Variants in RBMS3 observed in about 807,000 individuals in gnomAD.
RBMS3 encodes the protein RNA binding motif single stranded interacting protein 3.
Under a neutral mutation model 66.8 loss-of-function variants are expected in RBMS3, and 27 were observed. The ratio of observed to expected loss-of-function variants is 0.40; its 90% CI spans 0.30 to 0.56. The LOEUF is 0.56. Among genes scored for constraint, RBMS3 ranks in the 20% least tolerant of loss-of-function variants. RBMS3 has a pLI of 0.40. For missense variants in RBMS3, 513 were observed against 549.5 expected (o/e 0.93, Z 0.66); for synonymous variants, 188 against 183.0 (o/e 1.03, Z -0.22).
At chr3:29,396,566 C>T (rs1328709300) in intron 1 of RBMS3, among the ~76,000 whole-genome samples, 1 of 152,050 alleles carries the variant, frequency 6.6e-6, no homozygotes, top group African/African-American at 2.4e-5. Context: ...GGATAAAGAA[C>T]CATGATTTAC....
intron 4 of RBMS3, among the ~76,000 whole-genome samples, chr3:29,675,872 C>T (rs6782138): frequency 0.026 from 3,983 of 152,220 alleles, 169 homozygotes; most frequent in African/African-American, 0.089. Flanking sequence ...TGTGGTGATT[C>T]CTCAAGGATC....
intron 4 of RBMS3, among the ~76,000 whole-genome samples, chr3:29,685,183 C>G (rs59797771): frequency 0.081 from 12,264 of 151,972 alleles, 908 homozygotes; most frequent in African/African-American, 0.19. Flanking sequence ...CTCAGCCTCC[C>G]GAGTAGCTGG....
At chr3:29,780,984 C>T (rs767615110) in intron 6 of RBMS3, among the ~76,000 whole-genome samples, 1 of 151,548 alleles carries the variant, frequency 6.6e-6, no homozygotes, top group African/African-American at 2.4e-5. Flanking sequence ...TTTTATTATA[C>T]TTTAAGTTTT....
chr3:29,374,249 A>G (rs1366636259), intron 1 of RBMS3, among the ~76,000 whole-genome samples: 1 of 152,184 alleles, frequency 6.6e-6, no homozygotes, highest in Non-Finnish European at 1.5e-5. Flanking sequence ...TGTTGAGTTG[A>G]TTTTATAAGG....
At chr3:29,682,151 T>G (rs990526232) in intron 4 of RBMS3, among the ~76,000 whole-genome samples, 4 of 152,094 alleles carry the variant, frequency 2.6e-5, no homozygotes, top group African/African-American at 9.7e-5. Context: ...GATGTTTGTT[T>G]GTTTGTTTGT....
chr3:29,434,046 T>A (rs921528824), intron 1 of RBMS3, among the ~76,000 whole-genome samples: 9 of 152,164 alleles, frequency 5.9e-5, no homozygotes, highest in Non-Finnish European at 8.8e-5. Flanking sequence ...CAAATAATTA[T>A]CCTGTCCAGA....
intron 4 of RBMS3, among the ~76,000 whole-genome samples, chr3:29,625,667 C>T (rs923520683): frequency 1.3e-5 from 2 of 150,902 alleles, no homozygotes; most frequent in Non-Finnish European, 2.9e-5. Context: ...CATTGCACTC[C>T]AGCCTGGGCA....
In RBMS3 at chr3:29,938,448, A is replaced by C. The variant is rs138023402; in HGVS notation, c.1050+2252A>C. Reference sequence around the variant, plus strand: ...TTAGATACATTATAAGATTTGCATTACCTGATGTTATGGAAAAGTGTAAAA... The same window carrying C: ...TTAGATACATTATAAGATTTGCATTCCCTGATGTTATGGAAAAGTGTAAAA... On this transcript the variant is annotated intron_variant, in intron 11 of 14. Transcript: ENST00000383767. Among the ~76,000 whole-genome samples, 136 of 152,106 alleles carry C rather than the reference A, an allele frequency of 8.9e-4. 1 individual carries two copies. The East Asian group carries it at 0.024, about 26-fold the overall frequency.
Position 29,541,106 on chromosome 3 carries a change from A to G in RBMS3, c.308-46008A>G, listed in dbSNP as rs141110828. On this transcript the variant is annotated intron_variant, in intron 3 of 14. Transcript: ENST00000383767. ...GAATTTACCCTTGGTGTCACCTGTA[A>G]CTGTTTAAGTGGGTAGGCCTAAATT... is the stretch of plus-strand genomic sequence containing the variant. Among the ~76,000 whole-genome samples, 17 of 152,292 alleles carry G rather than the reference A, an allele frequency of 1.1e-4. No homozygotes were observed. The East Asian group carries it at 3.3e-3, about 29-fold the overall frequency.
chr3:29,640,720 T>TG (rs1425547778), intron 4 of RBMS3, among the ~76,000 whole-genome samples: 1 of 151,916 alleles, frequency 6.6e-6, no homozygotes, highest in Non-Finnish European at 1.5e-5. Flanking sequence ...CATTTTTTCC[T>TG]TGTTTTAAAG....
chr3:29,658,991 G>A (rs2050426231), intron 4 of RBMS3, among the ~76,000 whole-genome samples: 1 of 151,836 alleles, frequency 6.6e-6, no homozygotes, highest in Non-Finnish European at 1.5e-5. Context: ...CTAACTTTTT[G>A]TATTTTTAGT....
chr3:29,982,799 C>G (rs1434522764), intron 12 of RBMS3, among the ~76,000 whole-genome samples: 1 of 152,248 alleles, frequency 6.6e-6, no homozygotes, highest in East Asian at 1.9e-4. Flanking sequence ...GATTTCCATT[C>G]TTTTGCATTT....
chr3:29,865,286 T>C (rs2149543197), intron 6 of RBMS3, among the ~76,000 whole-genome samples: 1 of 152,304 alleles, frequency 6.6e-6, no homozygotes, highest in Non-Finnish European at 1.5e-5. Flanking sequence ...AGTCATACTC[T>C]AGACTATTAG....
At chr3:29,314,221 T>G (rs2034545322) in intron 1 of RBMS3, among the ~76,000 whole-genome samples, 1 of 151,762 alleles carries the variant, frequency 6.6e-6, no homozygotes, top group Non-Finnish European at 1.5e-5. Context: ...CAAGTTTAGA[T>G]GTAATGTAGT....
At chr3:29,564,480 T>C (rs906095356) in intron 3 of RBMS3, among the ~76,000 whole-genome samples, 2 of 143,742 alleles carry the variant, frequency 1.4e-5, no homozygotes, top group East Asian at 2.1e-4. Context: ...GAGCAAAAAG[T>C]TCATTAAAAA....
At chr3:29,757,319 G>A (rs2055464898) in intron 5 of RBMS3, among the ~76,000 whole-genome samples, 1 of 152,180 alleles carries the variant, frequency 6.6e-6, no homozygotes, top group South Asian at 2.1e-4. Flanking sequence ...CAGAAAGCAT[G>A]GGTTAAACTG....
intron 3 of RBMS3, among the ~76,000 whole-genome samples, chr3:29,521,812 AGC>A (rs1306100692): frequency 6.6e-6 from 1 of 152,248 alleles, no homozygotes; most frequent in African/African-American, 2.4e-5. Flanking sequence ...TAAGTGGCAG[AGC>A]CATAATTTGA....
At chr3:29,465,840 T>C (rs7626845) in intron 2 of RBMS3, among the ~76,000 whole-genome samples, 51,746 of 151,942 alleles carry the variant, frequency 0.34, 9,023 homozygotes, top group East Asian at 0.46. Flanking sequence ...AGATGTGCTT[T>C]GTTATTTTAT....
At chr3:29,728,381 A>G (rs2053979804) in intron 4 of RBMS3, among the ~76,000 whole-genome samples, 1 of 152,176 alleles carries the variant, frequency 6.6e-6, no homozygotes. Context: ...CATCTAAAGA[A>G]AAATGTAAAT....
Sources: allele counts gnomAD v4.1 joint callset (sites outside exome capture counted in the v4.1 genomes callset), GRCh38; gene constraint gnomAD v4.1.1; transcripts MANE v1.5; gene names NCBI Gene and HGNC (gene_info 2026-07-23, HGNC 2026-07-21).